GAP43: variants seen among roughly 807,000 people sequenced by gnomAD.
The protein encoded by GAP43 is neuromodulin.
GAP43 carries 6 observed loss-of-function variants against 18.6 expected under a neutral mutation model. The ratio of observed to expected loss-of-function variants is 0.32; its 90% CI spans 0.18 to 0.64. The LOEUF (loss-of-function observed/expected upper bound fraction) is 0.64. Among genes scored for constraint, GAP43 ranks in the 30% least tolerant of loss-of-function variants. The pLI is 0.78. For missense variants in GAP43, 292 were observed against 295.5 expected (o/e 0.99, Z 0.09); for synonymous variants, 115 against 111.4 (o/e 1.03, Z -0.20).
At chr3:115,627,133 C>CTTTTTTTTT (rs5851968) in intron 1 of GAP43, among the ~76,000 whole-genome samples, 3 of 122,706 alleles carry the variant, frequency 2.4e-5, no homozygotes, top group Non-Finnish European at 5.1e-5. Flanking sequence ...TTTTTTCTTT[C>CTTTTTTTTT]TTTTTTTTTT....
chr3:115,699,623 C>G (rs920382179), intron 2 of GAP43, among the ~76,000 whole-genome samples: 1 of 152,102 alleles, frequency 6.6e-6, no homozygotes, highest in East Asian at 1.9e-4. Context: ...TTTTGACAGG[C>G]CATTAAAGGA....
chr3:115,638,545 A>C (rs866273236), intron 1 of GAP43, among the ~76,000 whole-genome samples: 12 of 150,720 alleles, frequency 8.0e-5, no homozygotes, highest in African/African-American at 2.9e-4. Context: ...GGATGCTCTC[A>C]ATCTGATTTT....
chr3:115,672,638 A>T (rs1042148350), intron 1 of GAP43, among the ~76,000 whole-genome samples: 1 of 152,222 alleles, frequency 6.6e-6, no homozygotes, highest in African/African-American at 2.4e-5. Flanking sequence ...GGATGTCTCT[A>T]TTCAATCACT....
chr3:115,706,577 T>C (rs1709366085), intron 2 of GAP43, among the ~76,000 whole-genome samples: 1 of 152,230 alleles, frequency 6.6e-6, no homozygotes, highest in Non-Finnish European at 1.5e-5. Flanking sequence ...GAAAGGTCTT[T>C]GCCCTTGAAG....
chr3:115,707,635 C>T (rs1191042657), intron 2 of GAP43, among the ~76,000 whole-genome samples: 6 of 152,190 alleles, frequency 3.9e-5, no homozygotes, highest in African/African-American at 1.2e-4. Flanking sequence ...CTAGAATCAA[C>T]TCTCTTAACT....
intron 2 of GAP43, among the ~76,000 whole-genome samples, chr3:115,702,480 T>C (rs952884243): frequency 6.6e-6 from 1 of 152,066 alleles, no homozygotes. Context: ...AAATCCAGAA[T>C]ATACTGCTCA....
At chr3:115,688,847 A>T (rs977047562) in intron 2 of GAP43, among the ~76,000 whole-genome samples, 12 of 152,362 alleles carry the variant, frequency 7.9e-5, no homozygotes, top group Middle Eastern at 6.8e-3. Context: ...TCAATGCCCC[A>T]CAAAAAACCT....
At chr3:115,720,198 G>T (rs1577006096) in intron 2 of GAP43, among the ~76,000 whole-genome samples, 1 of 152,198 alleles carries the variant, frequency 6.6e-6, no homozygotes, top group East Asian at 1.9e-4. Flanking sequence ...TCACAAGGCA[G>T]CTGCTACAGT....
chr3:115,684,938 T>C (rs1709014608), intron 2 of GAP43, among the ~76,000 whole-genome samples: 1 of 152,222 alleles, frequency 6.6e-6, no homozygotes, highest in Non-Finnish European at 1.5e-5. Context: ...TTAACACACA[T>C]GTATAAATAA....
At chr3:115,669,044 TAA>T (rs796593034) in intron 1 of GAP43, among the ~76,000 whole-genome samples, 16 of 129,914 alleles carry the variant, frequency 1.2e-4, no homozygotes, top group Admixed American at 1.6e-4. Context: ...TGACCCTGTC[TAA>T]AAAAAAAAAA....
intron 1 of GAP43, among the ~76,000 whole-genome samples, chr3:115,642,022 G>A (rs1474691692): frequency 6.6e-6 from 1 of 151,984 alleles, no homozygotes; most frequent in Non-Finnish European, 1.5e-5. Flanking sequence ...ATGTTAGGAG[G>A]TTTTATGCTC....
rs1708812354 is a variant in GAP43 at position 115,671,289 on chromosome 3, G to A, written c.31-4724G>A. Among the ~76,000 whole-genome samples the A allele has an allele frequency of 2.0e-5, 3 of 152,138 alleles. No individual in the cohort carries two copies. In the South Asian group the frequency reaches 6.2e-4, roughly 32 times the overall value. On this transcript the variant is annotated intron_variant, in intron 1 of 2. Transcript: ENST00000305124. ...CAGAGCAACAATGTTGGATACTTAA[G>A]TAATTACTTCTTATTTCTGGCTTTC...
chr3:115,691,360 T>C (rs1367841072), intron 2 of GAP43, among the ~76,000 whole-genome samples: 1 of 152,126 alleles, frequency 6.6e-6, no homozygotes, highest in Non-Finnish European at 1.5e-5. Flanking sequence ...ATCGGACCTA[T>C]CTATGTTTGA....
chr3:115,686,894 G>T (rs1357116846), intron 2 of GAP43, among the ~76,000 whole-genome samples: 2 of 152,188 alleles, frequency 1.3e-5, no homozygotes, highest in Non-Finnish European at 2.9e-5. Flanking sequence ...TGAGAAAGAT[G>T]CTTTTCGTGC....
At chr3:115,689,322 G>C (rs1424401963) in intron 2 of GAP43, among the ~76,000 whole-genome samples, 4 of 152,166 alleles carry the variant, frequency 2.6e-5, no homozygotes, top group Admixed American at 2.6e-4. Context: ...TTTCTTGAAG[G>C]CTGCATGGTA....
chr3:115,661,676 G>A (rs1415476609), intron 1 of GAP43, among the ~76,000 whole-genome samples: 1 of 151,926 alleles, frequency 6.6e-6, no homozygotes, highest in Non-Finnish European at 1.5e-5. Context: ...TTTTAGTAGA[G>A]ATGGGGTTTC....
rs2107489294 is a variant in GAP43, at chr3:115,675,944, T to G, written c.31-69T>G. On this transcript the variant is annotated intron_variant, in intron 1 of 2. Coordinates refer to ENST00000305124, the MANE Select transcript of GAP43 (RefSeq NM_002045.4). ...AATAAATCACTTAATAAATACTTGT[T>G]GAATGCTGAGATTTAAAGGAGAAGA... The G allele has an allele frequency of 2.6e-6, 4 of 1,526,384 alleles. No homozygotes were observed. In the East Asian group the frequency reaches 9.0e-5, roughly 34 times the overall value. The allele number at this position is 1,526,384 out of a possible 1,614,324, so 94.6% of individuals were successfully genotyped here.
At chr3:115,707,524 C>G (rs934077507) in intron 2 of GAP43, among the ~76,000 whole-genome samples, 1 of 152,090 alleles carries the variant, frequency 6.6e-6, no homozygotes, top group African/African-American at 2.4e-5. Context: ...CTCCTGGGCT[C>G]AAGTGATCCT....
chr3:115,675,880 C>G, intron 1 of GAP43, 133 bp from the exon 2 acceptor site: 1 of 1,223,628 alleles, frequency 8.2e-7, no homozygotes, highest in Non-Finnish European at 1.1e-6. Context: ...TTCCAGGGTA[C>G]TGTTGAATTC....
Sources: allele counts gnomAD v4.1 joint callset (sites outside exome capture counted in the v4.1 genomes callset), GRCh38; gene constraint gnomAD v4.1.1; transcripts MANE v1.5; gene names NCBI Gene and HGNC (gene_info 2026-07-23, HGNC 2026-07-21).